The following F5 variants were observed in gnomAD, a reference collection of about 807,000 sequenced individuals.
F5 encodes the protein coagulation factor V.
In F5, 138 loss-of-function variants were observed where a neutral mutation model predicts 216.4. That is an observed-to-expected ratio of 0.64 (90% CI 0.56 to 0.73). F5 has a LOEUF of 0.73. Ranked by LOEUF, F5 falls within the 30% of genes least tolerant of loss-of-function variation. The probability of loss-of-function intolerance (pLI) is 0.00; values close to 1 mark genes in which losing one functional copy is unlikely to be tolerated. For missense variants in F5, 2,403 were observed against 2,674.0 expected, an observed-to-expected ratio of 0.90 and a Z score of 2.24; for synonymous variants, 916 against 930.7, an observed-to-expected ratio of 0.98 and a Z score of 0.29.
Position 169,559,265 on chromosome 1 carries a change from C to T in F5, c.618G>A (p.Thr206=), listed in dbSNP as rs149072504. ...GTLTEGGTQK[T]FDKQIVLLFA... is the part of the protein sequence containing the mutation. Reference sequence around the variant, plus strand: ...ATAGTAGCACGATTTGCTTGTCAAACGTCTTCTGTGTCCCACCCTCAGTTA... The same window carrying T: ...ATAGTAGCACGATTTGCTTGTCAAATGTCTTCTGTGTCCCACCCTCAGTTA... The change falls in exon 5 of 25, where the codon ACG becomes ACA. Residue 206 remains threonine, a synonymous_variant. Coordinates refer to ENST00000367797, the MANE Select transcript of F5 (RefSeq NM_000130.5). 3.3e-5 allele frequency: 54 copies of T among 1,613,814 alleles called. 1 individual carries two copies. Among genetic ancestry groups the T allele is most frequent in the South Asian group, 3.2e-4 (29 of 91,086 alleles).
At chr1:169,574,595 G>T (rs1048956456) in intron 2 of F5, among the ~76,000 whole-genome samples, 1 of 152,144 alleles carries the variant, frequency 6.6e-6, no homozygotes, top group Non-Finnish European at 1.5e-5. Flanking sequence ...ATCATAATAA[G>T]GCTTTCCTGT....
At chr1:169,521,259 C>T (rs1659297314) in intron 21 of F5, among the ~76,000 whole-genome samples, 1 of 152,164 alleles carries the variant, frequency 6.6e-6, no homozygotes, top group African/African-American at 2.4e-5. Context: ...GCTAAAGAGG[C>T]ACCCTACACC....
At chr1:169,555,048 A>T in intron 7 of F5, 134 bp downstream of exon 7, 1 of 1,000,524 alleles carries the variant, frequency 1.0e-6, no homozygotes, top group Non-Finnish European at 1.6e-6. Flanking sequence ...ATTAATTTTT[A>T]CAAAAAGACT....
At position 169,541,353 on chromosome 1, in the gene F5, T is replaced by C. The variant is rs1318151973; in HGVS notation, c.3737A>G (p.His1246Arg). The C allele has an allele frequency of 4.3e-6, 7 of 1,610,148 alleles. No individual in the cohort carries two copies. The Admixed American group carries it at 6.7e-5, about 15-fold the overall frequency. ...GCTGAGGTCTAAAGAAAGGGTTGTA[T>C]GGCTGAGGTCTGGAGAAAGGGTTGT... ...SHTTLSPDLS[H>R]TTLSLDLSQT... The change falls in exon 13 of 25, where the codon CAT becomes CGT. Residue 1246 changes from histidine to arginine, a missense_variant. Transcript: ENST00000367797.
At position 169,559,283 on chromosome 1, in the gene F5, C is replaced by T; in HGVS notation, c.600G>A (p.Glu200=). ...TGTCAAACGTCTTCTGTGTCCCACC[C>T]TCAGTTAGGGTCCCTATGAAAGGAA... is the stretch of plus-strand genomic sequence containing the variant. ...LLICKKGTLT[E]GGTQKTFDKQ... Residue 200 remains glutamate (E), a synonymous_variant, in exon 5 of 25, where the codon GAG becomes GAA. Transcript: ENST00000367797. 1 of 1,613,724 alleles carries T rather than the reference C, an allele frequency of 6.2e-7. No individual in the cohort carries two copies. The highest frequency in any genetic ancestry group is 1.1e-5 in the South Asian group (1 of 91,080).
chr1:169,579,593 CT>C (rs1660943078), intron 2 of F5, among the ~76,000 whole-genome samples: 1 of 152,186 alleles, frequency 6.6e-6, no homozygotes, highest in Non-Finnish European at 1.5e-5. Context: ...AAACTATCTC[CT>C]TTTCTTACAT....
chr1:169,529,545 C>A lies in F5; in HGVS notation c.5419+63G>T, dbSNP rs575788027. 19 of 1,420,206 alleles carry A rather than the reference C, an allele frequency of 1.3e-5. No individual in the cohort carries two copies. In the Admixed American group the frequency reaches 2.7e-4, roughly 20 times the overall value. 88.0% of individuals were successfully genotyped at this position (1,420,206 alleles called of 1,614,324 possible). A position where few individuals can be genotyped will look rare whatever the true frequency, so the allele number is the denominator to read the frequency against. On this transcript the variant is annotated intron_variant, in intron 16 of 24. Transcript: ENST00000367797. ...GTCTAATCTTGTGAATATCTAAGGG[C>A]AGAAATCACTGTGACCCAGTGTGAT...
chr1:169,526,947 T>G (rs9332632), intron 17 of F5, among the ~76,000 whole-genome samples: 2,876 of 152,058 alleles, frequency 0.019, 91 homozygotes, highest in African/African-American at 0.066. Context: ...TACTGGCATG[T>G]GAAAAACCAA....
In F5 at chr1:169,527,919, C is replaced by G. The variant is rs1388029347; in HGVS notation, c.5595G>C (p.Leu1865=). ...KQHQLGVWPL[L]PGSFKTLEMK... Reference sequence around the variant, plus strand: ...TTCCCATTACCCAATCTTTACCAGGCAGAAGGGGCCAGACCCCTAACTGGT... The same window carrying G: ...TTCCCATTACCCAATCTTTACCAGGGAGAAGGGGCCAGACCCCTAACTGGT... Residue 1865 remains leucine (L), a synonymous_variant, in exon 17 of 25, where the codon CTG becomes CTC. Coordinates refer to ENST00000367797, the MANE Select transcript of F5 (RefSeq NM_000130.5). The G allele has an allele frequency of 1.9e-6, 3 of 1,613,348 alleles. No individual in the cohort carries two copies. The highest frequency in any genetic ancestry group is 3.3e-5 in the Admixed American group (2 of 59,934).
rs559876249 is a variant in F5 at position 169,546,856 on chromosome 1, G to A, written c.1612-264C>T. Among the ~76,000 whole-genome samples, 17 of 152,004 alleles carry A rather than the reference G, an allele frequency of 1.1e-4. No homozygotes were observed. The East Asian group carries it at 2.5e-3, about 22-fold the overall frequency. On this transcript the variant is annotated intron_variant, in intron 10 of 24. Transcript: ENST00000367797. ...TTAAAGACTTAAATGTAGGCCTGGC[G>A]CGGTGGCTCACGCCTGTAATACCAG...
chr1:169,519,365 G>A (rs1659231413), intron 22 of F5, among the ~76,000 whole-genome samples: 2 of 152,128 alleles, frequency 1.3e-5, no homozygotes, highest in Admixed American at 1.3e-4. Context: ...TAAGTTAGCA[G>A]AATTGAATGT....
At chr1:169,549,601 C>T (rs1380300061) in intron 10 of F5, among the ~76,000 whole-genome samples, 200 bp downstream of exon 10, 1 of 149,860 alleles carries the variant, frequency 6.7e-6, no homozygotes, top group Non-Finnish European at 1.5e-5. Flanking sequence ...GACTTGCCTT[C>T]GGCAGTGATG....
intron 10 of F5, 42 bp from the exon 11 acceptor site, chr1:169,546,634 C>A: frequency 6.4e-7 from 1 of 1,571,906 alleles, no homozygotes. Context: ...AGAACAGACG[C>A]ATAGACCAAT....
At chr1:169,576,081 G>A (rs1660841788) in intron 2 of F5, among the ~76,000 whole-genome samples, 1 of 152,144 alleles carries the variant, frequency 6.6e-6, no homozygotes, top group African/African-American at 2.4e-5. Flanking sequence ...AACTGGAAAA[G>A]ACAAGGAAAC....
In F5 at chr1:169,586,285, G is replaced by T. The variant is rs760032424; in HGVS notation, c.102C>A (p.Phe34Leu). 2 of 1,614,200 alleles carry T rather than the reference G, an allele frequency of 1.2e-6. No individual in the cohort carries two copies. Among genetic ancestry groups the T allele is most frequent in the Non-Finnish European group, 1.7e-6 (2 of 1,180,026 alleles). The part of the protein sequence containing the change: ...QGTEAAQLRQ[F>L]YVAAQGISWS... ...AACTGATGCCCTGAGCAGCCACGTA[G>T]AACTGCCTTAGCTGTGCCGCTTCTG... Residue 34 changes from phenylalanine (F) to leucine (L), a missense_variant, in exon 1 of 25, where the codon TTC becomes TTA. By Grantham distance (22) the Phe-to-Leu change is conservative (BLOSUM62 0). Coordinates refer to ENST00000367797, the MANE Select transcript of F5 (RefSeq NM_000130.5).
intron 14 of F5, among the ~76,000 whole-genome samples, chr1:169,534,399 G>C (rs796531902): frequency 4.1e-4 from 62 of 152,310 alleles, no homozygotes; most frequent in African/African-American, 1.4e-3. Flanking sequence ...CGGGCGCAAT[G>C]GCTCATGCCT....
At chr1:169,521,198 A>C (rs1659296014) in intron 21 of F5, among the ~76,000 whole-genome samples, 1 of 152,114 alleles carries the variant, frequency 6.6e-6, no homozygotes, top group Non-Finnish European at 1.5e-5. Context: ...CCCCTCCCCA[A>C]CCCACAACAG....
intron 5 of F5, 21 bp from the exon 6 acceptor site, chr1:169,556,888 C>T (rs1057032061): frequency 2.5e-6 from 4 of 1,606,812 alleles, no homozygotes; most frequent in African/African-American, 1.3e-5. Context: ...GGGAGAGACA[C>T]AGGCCAAAAT....
chr1:169,563,186 C>T (rs1660520166), intron 3 of F5, among the ~76,000 whole-genome samples: 1 of 152,010 alleles, frequency 6.6e-6, no homozygotes, highest in Admixed American at 6.6e-5. Flanking sequence ...GATAAGTCTG[C>T]TATCATTTCT....
Sources: gnomAD v4.1 joint callset for allele counts (sites outside exome capture counted in the v4.1 genomes callset) on GRCh38, gnomAD v4.1.1 for gene constraint, MANE v1.5 for transcripts, NCBI Gene and HGNC (gene_info 2026-07-23, HGNC 2026-07-21) for gene names.